Variants in TTC39B observed in about 807,000 individuals in gnomAD.
TTC39B encodes the protein tetratricopeptide repeat protein 39B.
Under a neutral mutation model 96.6 loss-of-function variants are expected in TTC39B, and 92 were observed. That is an observed-to-expected ratio of 0.95 (90% confidence interval 0.80 to 1.13). The LOEUF is 1.13. TTC39B is among the 50% of genes most tolerant of loss of function. The probability of loss-of-function intolerance (pLI) is 0.00; values close to 1 mark genes in which losing one functional copy is unlikely to be tolerated. For synonymous variants in TTC39B, 367 were observed against 299.4 expected (o/e 1.23, Z -2.33); for missense variants, 955 against 809.3 (o/e 1.18, Z -2.18).
chr9:15,291,305 G>T (rs150309119), intron 1 of TTC39B, among the ~76,000 whole-genome samples: 1 of 152,154 alleles, frequency 6.6e-6, no homozygotes. Flanking sequence ...TGCTATTCTC[G>T]TGATGGTGAA....
At chr9:15,169,271 T>C in exon 20 of TTC39B, 1 of 152,204 alleles carries the variant, frequency 6.6e-6, no homozygotes, top group East Asian at 1.9e-4. Flanking sequence ...CTTGGAAACT[T>C]CTTGTATCAG....
At chr9:15,198,973 G>A (rs1173679351) in intron 8 of TTC39B, among the ~76,000 whole-genome samples, 1 of 152,136 alleles carries the variant, frequency 6.6e-6, no homozygotes. Flanking sequence ...TGATGAAAAG[G>A]TTAATTCATT....
chr9:15,236,253 A>C (rs1055862295), intron 2 of TTC39B, among the ~76,000 whole-genome samples: 1 of 152,242 alleles, frequency 6.6e-6, no homozygotes, highest in Admixed American at 6.5e-5. Flanking sequence ...TAAAGGATTC[A>C]ATATAACAAG....
At chr9:15,183,463 A>G in intron 16 of TTC39B, 1 of 203,538 alleles carries the variant, frequency 4.9e-6, no homozygotes, top group Non-Finnish European at 8.9e-6. Context: ...ATTCCTAGGT[A>G]CAAAAAAAAA....
At chr9:15,206,052 A>C (rs1819831407) in intron 6 of TTC39B, among the ~76,000 whole-genome samples, 1 of 152,158 alleles carries the variant, frequency 6.6e-6, no homozygotes, top group Non-Finnish European at 1.5e-5. Flanking sequence ...ATCAGGGTTA[A>C]GTGAAAGATG....
intron 1 of TTC39B, among the ~76,000 whole-genome samples, chr9:15,270,412 C>CCTGTAA (rs148009424): frequency 6.6e-6 from 1 of 152,014 alleles, no homozygotes; most frequent in African/African-American, 2.4e-5. Context: ...TCTGCACTTA[C>CCTGTAA]CAACAATAGG....
At chr9:15,249,848 C>A (rs1822452522) in intron 2 of TTC39B, 2 of 1,092,070 alleles carry the variant, frequency 1.8e-6, no homozygotes, top group South Asian at 2.1e-5. Context: ...TTAAATTAAA[C>A]CCTCATAGAT....
chr9:15,203,859 C>T (rs757806136), exon 7 of TTC39B: 6 of 1,613,262 alleles, frequency 3.7e-6, no homozygotes, highest in Non-Finnish European at 5.1e-6. Context: ...GTAGGAGACA[C>T]TCGGCATAAC....
chr9:15,264,252 T>C (rs1232099799), intron 2 of TTC39B, among the ~76,000 whole-genome samples: 1 of 152,146 alleles, frequency 6.6e-6, no homozygotes, highest in African/African-American at 2.4e-5. Context: ...AGCTAAAAAA[T>C]CTAATGTACA....
chr9:15,224,311 G>A (rs555785617), intron 3 of TTC39B: 2 of 152,586 alleles, frequency 1.3e-5, no homozygotes, highest in Non-Finnish European at 2.9e-5. Flanking sequence ...TGCCACACCT[G>A]GCTCTGCTGA....
At chr9:15,255,391 A>G (rs1313676852) in intron 2 of TTC39B, among the ~76,000 whole-genome samples, 2 of 152,084 alleles carry the variant, frequency 1.3e-5, no homozygotes, top group East Asian at 3.9e-4. Flanking sequence ...AAGCAGAGAC[A>G]AAAGGGGGAA....
chr9:15,211,829 G>A (rs974862011), intron 4 of TTC39B, among the ~76,000 whole-genome samples: 27 of 152,194 alleles, frequency 1.8e-4, no homozygotes, highest in African/African-American at 5.8e-4. Context: ...CCCTCTCCTC[G>A]CCAGCCAAAG....
At chr9:15,228,271 C>G (rs972046891) in intron 2 of TTC39B, among the ~76,000 whole-genome samples, 1 of 152,126 alleles carries the variant, frequency 6.6e-6, no homozygotes, top group African/African-American at 2.4e-5. Context: ...TGAGACCAGC[C>G]TGGCCAGCAT....
At chr9:15,197,993 T>A (rs183709183) in intron 8 of TTC39B, among the ~76,000 whole-genome samples, 2 of 152,312 alleles carry the variant, frequency 1.3e-5, no homozygotes, top group East Asian at 3.9e-4. Context: ...CTAAAGGAAG[T>A]TCTTTAGTCT....
At chr9:15,195,713 G>A (rs1450833359) in intron 8 of TTC39B, among the ~76,000 whole-genome samples, 1 of 147,812 alleles carries the variant, frequency 6.8e-6, no homozygotes, top group Non-Finnish European at 1.5e-5. Context: ...GAAGCTGCAA[G>A]TGCTTATGTA....
At chr9:15,187,876 G>A in intron 14 of TTC39B, 95 bp downstream of exon 14, 1 of 1,274,326 alleles carries the variant, frequency 7.8e-7, no homozygotes, top group Non-Finnish European at 1.1e-6. Flanking sequence ...AGAAAACACT[G>A]TGGTATCATA....
intron 1 of TTC39B, among the ~76,000 whole-genome samples, chr9:15,297,271 CA>C (rs1364230182): frequency 2.0e-5 from 3 of 152,230 alleles, no homozygotes; most frequent in African/African-American, 7.2e-5. Flanking sequence ...GGTCGAATGT[CA>C]CCTTCTAGAA....
chr9:15,213,052 T>A (rs1182004327), intron 4 of TTC39B, among the ~76,000 whole-genome samples: 1 of 152,094 alleles, frequency 6.6e-6, no homozygotes, highest in Admixed American at 6.6e-5. Context: ...GAACACTGTA[T>A]ACAGGTAAGG....
At chr9:15,254,279 T>C (rs536319201) in intron 2 of TTC39B, among the ~76,000 whole-genome samples, 22 of 152,260 alleles carry the variant, frequency 1.4e-4, no homozygotes, top group African/African-American at 5.1e-4. Flanking sequence ...CTTAGATATT[T>C]GTTAGATTTT....
Sources: gnomAD v4.1 joint callset for allele counts (sites outside exome capture counted in the v4.1 genomes callset) on GRCh38, gnomAD v4.1.1 for gene constraint, MANE v1.5 for transcripts, NCBI Gene and HGNC (gene_info 2026-07-23, HGNC 2026-07-21) for gene names.